FCHSD2: variants seen among roughly 807,000 people sequenced by gnomAD.
The protein encoded by FCHSD2 is F-BAR and double SH3 domains protein 2.
A neutral mutation model predicts 108.1 loss-of-function variants in FCHSD2; 38 were observed. That is an observed-to-expected ratio of 0.35 (90% CI 0.27 to 0.46). The LOEUF is 0.46. FCHSD2 is among the 20% of genes least tolerant of loss of function. The pLI is 1.00. For missense variants in FCHSD2, 751 were observed against 897.8 expected, an observed-to-expected ratio of 0.84 and a Z score of 2.09; for synonymous variants, 279 against 314.7, an observed-to-expected ratio of 0.89 and a Z score of 1.20.
At chr11:72,875,176 A>G (rs1285828851) in intron 12 of FCHSD2, among the ~76,000 whole-genome samples, 1 of 152,178 alleles carries the variant, frequency 6.6e-6, no homozygotes, top group Non-Finnish European at 1.5e-5. Flanking sequence ...ACTATTTAGG[A>G]CAGTGGTTTA....
At chr11:73,096,987 A>ATTTTTTTTTTTTTTTTTT (rs60223064) in intron 2 of FCHSD2, among the ~76,000 whole-genome samples, 321 of 27,046 alleles carry the variant, frequency 0.012, 124 homozygotes, top group East Asian at 0.032. Flanking sequence ...TCATTGATGG[A>ATTTTTTTTTTTTTTTTTT]TTTTTTTTTT....
Position 72,916,968 on chromosome 11 carries a change from C to CTTTTTT in FCHSD2, c.828+4854_828+4859dup, listed in dbSNP as rs71062793. Among the ~76,000 whole-genome samples the CTTTTTT allele has an allele frequency of 4.5e-4, 53 of 118,764 alleles. 1 individual carries two copies. Among genetic ancestry groups the CTTTTTT allele is most frequent in the African/African-American group, 1.5e-3 (46 of 30,626 alleles). The allele number at this position is 118,764 out of a possible 152,430, so 77.9% of individuals were successfully genotyped here. On this transcript the variant is annotated intron_variant, in intron 9 of 19. Coordinates refer to ENST00000409418, the MANE Select transcript of FCHSD2 (RefSeq NM_014824.3). ...GTTCACAACTTCATTGAACTTCATT[C>CTTTTTT]TTTTTTTTTTTTTTTTTTTTTTTTT... is the stretch of plus-strand genomic sequence containing the variant.
At chr11:73,097,016 T>TTTTTTTTTTTTTTTTTTA (rs1860102155) in intron 2 of FCHSD2, among the ~76,000 whole-genome samples, 1 of 125,498 alleles carries the variant, frequency 8.0e-6, no homozygotes, top group African/African-American at 2.9e-5. Context: ...TTTTTTTTTT[T>TTTTTTTTTTTTTTTTTTA]GATGAGACAG....
chr11:73,141,786 C>T, intron 1 of FCHSD2, 71 bp downstream of exon 1: 2 of 1,462,340 alleles, frequency 1.4e-6, no homozygotes, highest in East Asian at 2.6e-5. Context: ...GGAAGGGGCG[C>T]AGCGGTCGCC....
At chr11:73,003,879 G>A (rs1220028476) in intron 4 of FCHSD2, among the ~76,000 whole-genome samples, 1 of 151,540 alleles carries the variant, frequency 6.6e-6, no homozygotes, top group Non-Finnish European at 1.5e-5. Flanking sequence ...GGCCAAGGTG[G>A]GCAGACTGCC....
At chr11:73,077,135 A>C (rs1309873721) in intron 3 of FCHSD2, among the ~76,000 whole-genome samples, 3 of 151,438 alleles carry the variant, frequency 2.0e-5, no homozygotes, top group Non-Finnish European at 2.9e-5. Context: ...AAAAGAAAAA[A>C]AAAAGTTTGT....
At chr11:72,853,449 C>T (rs761760496) in intron 13 of FCHSD2, among the ~76,000 whole-genome samples, 14 of 152,184 alleles carry the variant, frequency 9.2e-5, no homozygotes, top group Non-Finnish European at 1.8e-4. Context: ...GAGTCTCGCT[C>T]TGTTGCCCAG....
chr11:72,993,885 TA>T (rs1464482894), intron 5 of FCHSD2, among the ~76,000 whole-genome samples: 4 of 152,154 alleles, frequency 2.6e-5, no homozygotes, highest in African/African-American at 9.7e-5. Context: ...TGTGCACATG[TA>T]CCCTAAAACT....
intron 2 of FCHSD2, among the ~76,000 whole-genome samples, chr11:73,087,961 C>T (rs1410514518): frequency 1.3e-5 from 2 of 152,182 alleles, no homozygotes; most frequent in African/African-American, 4.8e-5. Context: ...TTACTCTCAA[C>T]TTTCAATTCC....
At chr11:73,118,905 G>A (rs1445549396) in intron 2 of FCHSD2, among the ~76,000 whole-genome samples, 1 of 152,160 alleles carries the variant, frequency 6.6e-6, no homozygotes, top group Non-Finnish European at 1.5e-5. Context: ...CCCTCTCTTA[G>A]ACACATACTA....
At chr11:72,992,336 C>T (rs1857432799) in intron 5 of FCHSD2, among the ~76,000 whole-genome samples, 1 of 152,130 alleles carries the variant, frequency 6.6e-6, no homozygotes, top group Admixed American at 6.5e-5. Flanking sequence ...GACCATACTG[C>T]CCAAGGTAAT....
chr11:72,872,116 T>C (rs979644659), intron 12 of FCHSD2, among the ~76,000 whole-genome samples: 4 of 152,122 alleles, frequency 2.6e-5, no homozygotes, highest in Non-Finnish European at 5.9e-5. Flanking sequence ...GGGTATCATA[T>C]ACGTCTTTAT....
chr11:72,971,718 A>G lies in FCHSD2; in HGVS notation c.705+12370T>C, dbSNP rs142166708. 4.3e-3 allele frequency among the ~76,000 whole-genome samples: 649 copies of G among 152,300 alleles called. 4 individuals are homozygous for G. The highest frequency in any genetic ancestry group is 0.015 in the African/African-American group (616 of 41,554). ...GGAGATTCTTCCCCAGAATCTCCAGATAAGAATGCAGCCAAGGTGACATTT... is the reference window on the plus strand; with the variant it reads ...GGAGATTCTTCCCCAGAATCTCCAGGTAAGAATGCAGCCAAGGTGACATTT... On this transcript the variant is annotated intron_variant, in intron 8 of 19. Transcript: ENST00000409418.
At chr11:72,886,869 A>G (rs557888795) in intron 12 of FCHSD2, among the ~76,000 whole-genome samples, 1 of 152,266 alleles carries the variant, frequency 6.6e-6, no homozygotes, top group African/African-American at 2.4e-5. Context: ...ACACTACACA[A>G]AATGTACATT....
At chr11:73,016,448 T>A (rs1363347867) in intron 3 of FCHSD2, among the ~76,000 whole-genome samples, 1 of 152,130 alleles carries the variant, frequency 6.6e-6, no homozygotes, top group Non-Finnish European at 1.5e-5. Context: ...AGGGTGAGTA[T>A]AAGGATAAGA....
At chr11:73,129,990 T>G (rs1341980655) in intron 2 of FCHSD2, among the ~76,000 whole-genome samples, 6 of 150,806 alleles carry the variant, frequency 4.0e-5, no homozygotes, top group African/African-American at 1.5e-4. Flanking sequence ...GTCATTCTCC[T>G]GCCTTAGCCC....
At chr11:72,924,579 A>C (rs1392712214) in intron 8 of FCHSD2, among the ~76,000 whole-genome samples, 1 of 148,958 alleles carries the variant, frequency 6.7e-6, no homozygotes, top group African/African-American at 2.5e-5. Context: ...ACCACGCCCC[A>C]CCCAGCTATT....
intron 3 of FCHSD2, among the ~76,000 whole-genome samples, chr11:73,082,672 T>C (rs1859724448): frequency 6.6e-6 from 1 of 152,172 alleles, no homozygotes; most frequent in Admixed American, 6.6e-5. Context: ...GGTTACCATG[T>C]AGAAAATTTA....
At chr11:73,079,310 C>G (rs1199440187) in intron 3 of FCHSD2, among the ~76,000 whole-genome samples, 1 of 151,744 alleles carries the variant, frequency 6.6e-6, no homozygotes, top group African/African-American at 2.4e-5. Flanking sequence ...GATTCTCCTG[C>G]CTCAGCCTCC....
Sources: allele counts gnomAD v4.1 joint callset (sites outside exome capture counted in the v4.1 genomes callset), GRCh38; gene constraint gnomAD v4.1.1; transcripts MANE v1.5; gene names NCBI Gene and HGNC (gene_info 2026-07-23, HGNC 2026-07-21).